The following PAK1 variants were observed in gnomAD, a reference collection of about 807,000 sequenced individuals.
PAK1 encodes the protein serine/threonine-protein kinase PAK 1.
A neutral mutation model predicts 67.4 loss-of-function variants in PAK1; 29 were observed. That is an observed-to-expected ratio of 0.43 (90% CI 0.32 to 0.59). The LOEUF is 0.59. Among genes scored for constraint, PAK1 ranks in the 20% least tolerant of loss-of-function variants. The pLI is 0.07. For missense variants in PAK1, 337 were observed against 670.7 expected, an observed-to-expected ratio of 0.50 and a Z score of 5.50; for synonymous variants, 223 against 237.4, an observed-to-expected ratio of 0.94 and a Z score of 0.56.
chr11:77,519,644 T>C, the PAK1 span, among the ~76,000 whole-genome samples: 1 of 152,202 alleles, frequency 6.6e-6, no homozygotes, highest in East Asian at 1.9e-4. Context: ...TTTTCCTAAT[T>C]CTATCATTCC....
intron 1 of PAK1, among the ~76,000 whole-genome samples, chr11:77,419,616 T>C (rs147777603): frequency 9.2e-5 from 14 of 152,348 alleles, no homozygotes; most frequent in African/African-American, 3.4e-4. Context: ...TTGAAGTGCC[T>C]AAAGGATTTG....
At chr11:77,363,183 G>A (rs952692501) in intron 5 of PAK1, among the ~76,000 whole-genome samples, 6 of 152,160 alleles carry the variant, frequency 3.9e-5, no homozygotes, top group Non-Finnish European at 5.9e-5. Context: ...TAGTGAAGAA[G>A]AAAATGACTA....
At chr11:77,374,817 C>T (rs545381464) in intron 4 of PAK1, among the ~76,000 whole-genome samples, 3 of 152,092 alleles carry the variant, frequency 2.0e-5, no homozygotes, top group East Asian at 1.9e-4. Flanking sequence ...TGTAACACAA[C>T]GGTAAGTATT....
chr11:77,352,753 A>C (rs1242734438), intron 8 of PAK1, among the ~76,000 whole-genome samples: 2 of 152,098 alleles, frequency 1.3e-5, no homozygotes, highest in Non-Finnish European at 2.9e-5. Flanking sequence ...CCATTGTGTT[A>C]TAATTGCCTA....
intron 1 of PAK1, among the ~76,000 whole-genome samples, chr11:77,459,985 C>T (rs1190270050): frequency 6.6e-6 from 1 of 151,896 alleles, no homozygotes; most frequent in South Asian, 2.1e-4. Context: ...CGTGAGCCAC[C>T]GCGCCCGGCG....
chr11:77,437,770 G>A (rs868750456), intron 1 of PAK1, among the ~76,000 whole-genome samples: 10 of 152,090 alleles, frequency 6.6e-5, no homozygotes, highest in South Asian at 2.1e-4. Flanking sequence ...AAGTTCTCTC[G>A]TGAACTCCTC....
chr11:77,462,922 A>C (rs553072864), intron 1 of PAK1, among the ~76,000 whole-genome samples: 73 of 144,460 alleles, frequency 5.1e-4, no homozygotes, highest in African/African-American at 7.4e-4. Flanking sequence ...CACTCACTCA[A>C]TCAAAGTGCC....
At chr11:77,337,686 AT>A (rs1270122394) in intron 11 of PAK1, among the ~76,000 whole-genome samples, 10 of 152,022 alleles carry the variant, frequency 6.6e-5, no homozygotes, top group African/African-American at 1.2e-4. Flanking sequence ...CTCCAATGTA[AT>A]TTTTTTTCTA....
At position 77,466,520 on chromosome 11, in the gene PAK1, G is replaced by A. The variant is rs538180540; in HGVS notation, c.-22+7032C>T. Among the ~76,000 whole-genome samples, 5 of 151,906 alleles carry A rather than the reference G, an allele frequency of 3.3e-5. No homozygotes were observed. The South Asian group carries it at 8.3e-4, about 25-fold the overall frequency. ...TGGGAGGCTGAGGCAGGGGAATGGCGTGAACCCGGGAGGCAGAGCTTGCGG... is the reference window on the plus strand; with the variant it reads ...TGGGAGGCTGAGGCAGGGGAATGGCATGAACCCGGGAGGCAGAGCTTGCGG... On this transcript the variant is annotated intron_variant, in intron 1 of 14. Coordinates refer to ENST00000356341, the MANE Select transcript of PAK1 (RefSeq NM_002576.5).
the PAK1 span, among the ~76,000 whole-genome samples, chr11:77,487,291 T>A: frequency 1.3e-5 from 2 of 152,072 alleles, no homozygotes; most frequent in Non-Finnish European, 2.9e-5. Flanking sequence ...GGGTCCTGAA[T>A]AAACAGCAGG....
the PAK1 span, among the ~76,000 whole-genome samples, chr11:77,510,821 T>C: frequency 6.6e-6 from 1 of 152,244 alleles, no homozygotes; most frequent in African/African-American, 2.4e-5. Context: ...ATCATCTTTA[T>C]GAGAATACTA....
rs1374874346 is a variant in PAK1 at position 77,358,884 on chromosome 11, C to G, written c.597+14G>C. 1 of 1,613,224 alleles carries G rather than the reference C, an allele frequency of 6.2e-7. No homozygotes were observed. The highest frequency in any genetic ancestry group is 8.5e-7 in the Non-Finnish European group (1 of 1,179,424). On this transcript the variant is annotated intron_variant, in intron 6 of 14. Transcript: ENST00000356341. Reference sequence around the variant, plus strand: ...TAATAAATCACAAAACTGGCCAGGTCCCCAAAGACTCACAGATTTTGTGTG... The same window carrying G: ...TAATAAATCACAAAACTGGCCAGGTGCCCAAAGACTCACAGATTTTGTGTG...
chr11:77,457,816 A>G (rs1957147080), intron 1 of PAK1, among the ~76,000 whole-genome samples: 1 of 152,236 alleles, frequency 6.6e-6, no homozygotes, highest in Admixed American at 6.5e-5. Flanking sequence ...AAAAGGAAGA[A>G]TAAGACAGGT....
At chr11:77,491,919 C>T in the PAK1 span, among the ~76,000 whole-genome samples, 4 of 152,108 alleles carry the variant, frequency 2.6e-5, 1 homozygote, top group South Asian at 6.2e-4. Flanking sequence ...AAAAACAAGA[C>T]CAATCATCTG....
At chr11:77,351,475 C>T (rs1156618407) in intron 8 of PAK1, among the ~76,000 whole-genome samples, 1 of 152,050 alleles carries the variant, frequency 6.6e-6, no homozygotes, top group African/African-American at 2.4e-5. Context: ...ATTTCACTAC[C>T]TAAAGGAAAT....
chr11:77,345,904 C>G (rs184009110), intron 9 of PAK1, among the ~76,000 whole-genome samples: 5 of 152,296 alleles, frequency 3.3e-5, no homozygotes, highest in East Asian at 3.9e-4. Flanking sequence ...GTGGTCACTG[C>G]TGGCAGCAGC....
chr11:77,401,232 G>T (rs56731074), intron 1 of PAK1, among the ~76,000 whole-genome samples: 4,374 of 152,252 alleles, frequency 0.029, 193 homozygotes, highest in African/African-American at 0.099. Flanking sequence ...GTGCCAGGAG[G>T]TTTTCTTTGG....
intron 5 of PAK1, among the ~76,000 whole-genome samples, chr11:77,364,450 C>T (rs922549813): frequency 6.6e-6 from 1 of 152,092 alleles, no homozygotes; most frequent in Non-Finnish European, 1.5e-5. Context: ...AAAACCACCA[C>T]AAAAACAAAC....
At chr11:77,499,141 A>C in the PAK1 span, among the ~76,000 whole-genome samples, 1 of 152,018 alleles carries the variant, frequency 6.6e-6, no homozygotes, top group Non-Finnish European at 1.5e-5. Context: ...CTACTAAAAA[A>C]AAAAAAAGAG....
Sources: allele counts gnomAD v4.1 joint callset (sites outside exome capture counted in the v4.1 genomes callset), GRCh38; gene constraint gnomAD v4.1.1; transcripts MANE v1.5; gene names NCBI Gene and HGNC (gene_info 2026-07-23, HGNC 2026-07-21).